Variants in KICS2 observed in about 807,000 individuals in gnomAD.
KICS2 encodes the protein KICSTOR subunit 2, also known as KICSTOR complex protein C12orf66.
KICS2 carries 13 observed loss-of-function variants against 31.4 expected under a neutral mutation model. The ratio of observed to expected loss-of-function variants is 0.41; its 90% CI spans 0.27 to 0.66. KICS2 has a LOEUF of 0.66. KICS2 is among the 30% of genes least tolerant of loss of function. KICS2 has a pLI of 0.28. For missense variants in KICS2, 455 were observed against 545.4 expected (o/e 0.83, Z 1.65); for synonymous variants, 209 against 214.8 (o/e 0.97, Z 0.24).
chr12:64,196,563 A>G (rs1314726287), intron 2 of KICS2, among the ~76,000 whole-genome samples: 122 of 151,872 alleles, frequency 8.0e-4, no homozygotes, highest in Admixed American at 1.8e-3. Context: ...CCAAAGGAAC[A>G]CAGTTCCTCA....
At chr12:64,215,472 G>A (rs2037619278) in intron 2 of KICS2, among the ~76,000 whole-genome samples, 1 of 152,002 alleles carries the variant, frequency 6.6e-6, no homozygotes, top group Admixed American at 6.6e-5. Context: ...TTTTGCTATT[G>A]CTTAGCAGCC....
Position 64,192,507 on chromosome 12 carries a change from T to C in KICS2, c.*1335A>G. On this transcript the variant is annotated 3_prime_UTR_variant, in exon 3 of 3. Coordinates refer to ENST00000398055, the MANE Select transcript of KICS2 (RefSeq NM_152440.5). ...CTCTGAGGGGCTCTCTGGTCTCTGC[T>C]GATGTTGCTGGCATACCTGCTGTGG... 1.5e-6 allele frequency: 1 copy of C among 679,230 alleles called. No homozygotes were observed. Among genetic ancestry groups the C allele is most frequent in the Non-Finnish European group, 1.8e-6 (1 of 550,582 alleles). The allele number at this position is 679,230 out of a possible 1,614,324, so 42.1% of individuals were successfully genotyped here. A position where few individuals can be genotyped will look rare whatever the true frequency, so the allele number is the denominator to read the frequency against.
At chr12:64,211,050 G>GGTATTTT (rs1459254305) in intron 2 of KICS2, among the ~76,000 whole-genome samples, 1 of 152,026 alleles carries the variant, frequency 6.6e-6, no homozygotes, top group Non-Finnish European at 1.5e-5. Context: ...CTCAGGGATG[G>GGTATTTT]GTATTTTTCT....
rs903440789 is a variant in KICS2, at chr12:64,205,444, C to T, written c.521+10234G>A. ...CCTATTTCCACTCTGCCATGTGCCTCATAGCTATTCACAACTCGTATCATA... is the reference window on the plus strand; with the variant it reads ...CCTATTTCCACTCTGCCATGTGCCTTATAGCTATTCACAACTCGTATCATA... On this transcript the variant is annotated intron_variant, in intron 2 of 2. Coordinates refer to ENST00000398055, the MANE Select transcript of KICS2 (RefSeq NM_152440.5). 2.6e-5 allele frequency among the ~76,000 whole-genome samples: 4 copies of T among 152,168 alleles called. No homozygotes were observed. The East Asian group carries it at 7.7e-4, about 29-fold the overall frequency.
chr12:64,215,848 G>A lies in KICS2; in HGVS notation c.351C>T (p.His117=), dbSNP rs374655900. The part of the protein sequence containing the change: ...GRGALGGTAP[H]VEELLSHLSE... ...ACAGGTGGGAAAGGAGTTCTTCCAC[G>A]TGAGGAGCAGTCCCACCCAGGGCAC... The change falls in exon 2 of 3, where the codon CAC becomes CAT. Residue 117 remains histidine, a synonymous_variant. Coordinates refer to ENST00000398055, the MANE Select transcript of KICS2 (RefSeq NM_152440.5). 1.0e-4 allele frequency: 168 copies of A among 1,613,690 alleles called. No homozygotes were observed. The highest frequency in any genetic ancestry group is 1.8e-4 in the East Asian group (8 of 44,876).
At position 64,191,239 on chromosome 12, in the gene KICS2, ATAATT is replaced by A. The variant is rs1251379577; in HGVS notation, c.*2598_*2602del. The A allele has an allele frequency of 4.0e-5, 6 of 151,446 alleles. No individual in the cohort carries two copies. Among genetic ancestry groups the A allele is most frequent in the East Asian group, 1.9e-4 (1 of 5,206 alleles). 9.4% of individuals were successfully genotyped at this position (151,446 alleles called of 1,614,324 possible). On this transcript the variant is annotated 3_prime_UTR_variant, in exon 3 of 3. Transcript: ENST00000398055. ...AAAACTTTATTGAAGAGCTTCAGAA[ATAATT>A]TAAGTATCAATATTCAATCTTCAAA...
intron 2 of KICS2, among the ~76,000 whole-genome samples, chr12:64,209,457 C>T (rs777034777): frequency 5.9e-5 from 9 of 151,960 alleles, no homozygotes; most frequent in African/African-American, 1.5e-4. Context: ...TGGTGGCAGG[C>T]GCCTGTAATT....
At chr12:64,188,157 G>GTCCTGGA (rs1250391579), downstream of KICS2, among the ~76,000 whole-genome samples, 22 of 152,210 alleles carry the variant, frequency 1.4e-4, no homozygotes, top group African/African-American at 5.3e-4. Flanking sequence ...ACTGGTGTAT[G>GTCCTGGA]TCCTGGATCT....
At chr12:64,194,751 C>A in intron 2 of KICS2, 93 bp from the exon 3 acceptor site, 1 of 1,445,258 alleles carries the variant, frequency 6.9e-7, no homozygotes, top group African/African-American at 1.4e-5. Context: ...AATGGCCAAA[C>A]ATAATATTAT....
intron 1 of KICS2, among the ~76,000 whole-genome samples, chr12:64,220,961 T>C (rs1388277023): frequency 6.6e-6 from 1 of 152,170 alleles, no homozygotes; most frequent in Non-Finnish European, 1.5e-5. Context: ...TAAATTAGCA[T>C]ACTAAATAAG....
At chr12:64,205,978 G>T (rs1275976275) in intron 2 of KICS2, among the ~76,000 whole-genome samples, 1 of 152,140 alleles carries the variant, frequency 6.6e-6, no homozygotes, top group Non-Finnish European at 1.5e-5. Flanking sequence ...TATAGGCAGG[G>T]TCTCTGAACA....
intron 1 of KICS2, 198 bp downstream of exon 1, chr12:64,221,805 C>CT (rs898074898): frequency 1.5e-6 from 1 of 665,074 alleles, no homozygotes; most frequent in Non-Finnish European, 2.5e-6. Context: ...GTTCGCCAAT[C>CT]TATCAGCAGC....
Position 64,193,923 on chromosome 12 carries a change from A to C in KICS2, c.1257T>G (p.Phe419Leu), listed in dbSNP as rs775401950. Reference protein sequence around the residue: ...ESKKSERDSHFISFLNEVSLA... With the variant: ...ESKKSERDSHLISFLNEVSLA... ...GTGAGACCTCATTGAGGAAGGAAAT[A>C]AAGTGGGAGTCTCTCTCAGATTTCT... The change falls in exon 3 of 3, where the codon TTT becomes TTG. Residue 419 changes from phenylalanine (F) to leucine (L), a missense_variant. Transcript: ENST00000398055. 2.5e-6 allele frequency: 4 copies of C among 1,614,110 alleles called. No individual in the cohort carries two copies. The highest frequency in any genetic ancestry group is 3.4e-6 in the Non-Finnish European group (4 of 1,180,052).
At chr12:64,204,545 G>A (rs2037519551) in intron 2 of KICS2, among the ~76,000 whole-genome samples, 1 of 152,160 alleles carries the variant, frequency 6.6e-6, no homozygotes, top group Admixed American at 6.6e-5. Context: ...TAGCACTTTG[G>A]GAGGCCAAAG....
chr12:64,211,798 G>A (rs546596539), intron 2 of KICS2, among the ~76,000 whole-genome samples: 1 of 152,158 alleles, frequency 6.6e-6, no homozygotes, highest in African/African-American at 2.4e-5. Flanking sequence ...AAATCAAAGA[G>A]CTATGACAAT....
At chr12:64,189,721 C>A (rs560699282), downstream of KICS2, among the ~76,000 whole-genome samples, 8 of 151,966 alleles carry the variant, frequency 5.3e-5, no homozygotes, top group African/African-American at 1.9e-4. Context: ...GCTGGAAGGG[C>A]CATAAAAACA....
chr12:64,196,097 C>G (rs1159787485), intron 2 of KICS2, among the ~76,000 whole-genome samples: 13 of 152,238 alleles, frequency 8.5e-5, no homozygotes, highest in Admixed American at 2.0e-4. Flanking sequence ...TGGAGCCCAC[C>G]ACAGCTCAAG....
At chr12:64,194,803 G>A in intron 2 of KICS2, 145 bp from the exon 3 acceptor site, 4 of 1,078,372 alleles carry the variant, frequency 3.7e-6, no homozygotes, top group Non-Finnish European at 5.0e-6. Flanking sequence ...ACTACATGTT[G>A]ATTTATTTTA....
intron 1 of KICS2, among the ~76,000 whole-genome samples, chr12:64,219,832 G>A (rs1229462656): frequency 6.6e-6 from 1 of 152,020 alleles, no homozygotes; most frequent in Non-Finnish European, 1.5e-5. Flanking sequence ...TTTTTTAAAC[G>A]CACGCATAAA....
Sources: allele counts gnomAD v4.1 joint callset (sites outside exome capture counted in the v4.1 genomes callset), GRCh38; gene constraint gnomAD v4.1.1; transcripts MANE v1.5; gene names NCBI Gene and HGNC (gene_info 2026-07-23, HGNC 2026-07-21).